Variants in AMMECR1 observed in about 807,000 individuals in gnomAD.
The protein encoded by AMMECR1 is nuclear protein AMMECR1.
In AMMECR1, 3 loss-of-function variants were observed where a neutral mutation model predicts 22.5. That is an observed-to-expected ratio of 0.13 (90% CI 0.06 to 0.35). The LOEUF (loss-of-function observed/expected upper bound fraction) is 0.35, where lower values mean the gene tolerates loss of function less well. Among genes scored for constraint, AMMECR1 ranks in the 10% least tolerant of loss-of-function variants. The pLI is 1.00. For missense variants in AMMECR1, 235 were observed against 278.7 expected, an observed-to-expected ratio of 0.84 and a Z score of 1.12; for synonymous variants, 130 against 116.7, an observed-to-expected ratio of 1.11 and a Z score of -0.74.
intron 2 of AMMECR1, among the ~76,000 whole-genome samples, chrX:110,326,682 A>G (rs990771103): frequency 8.9e-5 from 10 of 112,004 alleles, no homozygotes; most frequent in Middle Eastern, 9.1e-3. Context: ...GCAGGAGTGG[A>G]TCATTCGTAG....
chrX:110,301,256 T>C (rs1442686134), intron 1 of AMMECR1, among the ~76,000 whole-genome samples: 1 of 112,654 alleles, frequency 8.9e-6, no homozygotes, highest in Non-Finnish European at 1.9e-5. Flanking sequence ...ACATATTTTC[T>C]AAAATGTTTT....
intron 1 of AMMECR1, among the ~76,000 whole-genome samples, chrX:110,306,516 T>C (rs886754169): frequency 4.5e-5 from 5 of 110,333 alleles, no homozygotes; most frequent in Admixed American, 2.9e-4. Flanking sequence ...TGGAGTGCAA[T>C]GGCGTGATCT....
chrX:110,267,508 G>A (rs2067776489), intron 1 of AMMECR1, among the ~76,000 whole-genome samples: 1 of 111,361 alleles, frequency 9.0e-6, no homozygotes. Context: ...GCTATCCAAA[G>A]TATCTCTATG....
intron 1 of AMMECR1, among the ~76,000 whole-genome samples, chrX:110,302,917 G>A (rs1037831176): frequency 9.0e-6 from 1 of 110,875 alleles, no homozygotes; most frequent in Admixed American, 9.6e-5. Flanking sequence ...AAAAAAGAGA[G>A]AGAGAGATTG....
chrX:110,438,830 G>A (rs1291974811), intron 1 of AMMECR1, among the ~76,000 whole-genome samples: 1 of 112,023 alleles, frequency 8.9e-6, no homozygotes, highest in Non-Finnish European at 1.9e-5. Context: ...CTTATCCTTT[G>A]CCTTTGCTAA....
chrX:110,219,265 G>A (rs1372014757), intron 2 of AMMECR1: 5 of 522,258 alleles, frequency 9.6e-6, no homozygotes, highest in East Asian at 1.8e-4. Context: ...CAGCAGCAAT[G>A]TATGAGTTCC....
At chrX:110,390,574 T>C (rs1182734612) in intron 2 of AMMECR1, among the ~76,000 whole-genome samples, 1 of 111,308 alleles carries the variant, frequency 9.0e-6, no homozygotes, top group Non-Finnish European at 1.9e-5. Flanking sequence ...TCTCCACTAC[T>C]GTAGATCCAA....
At position 110,409,736 on chromosome X, in the gene AMMECR1, G is replaced by A. The variant is rs557238611; in HGVS notation, c.-148+16922C>T. 8.2e-5 allele frequency among the ~76,000 whole-genome samples: 9 copies of A among 110,015 alleles called. No individual in the cohort carries two copies. In the South Asian group the frequency reaches 2.0e-3, roughly 24 times the overall value. ...CCTCAAAGGTAACTGCTAAATATCT[G>A]ACAAAGGAATGGCTAAAGCCTTCAG... is the stretch of plus-strand genomic sequence containing the variant. On this transcript the variant is annotated intron_variant, in intron 2 of 7. Coordinates refer to the AMMECR1 transcript ENST00000372057.
chrX:110,295,321 G>A (rs996553200), intron 1 of AMMECR1, among the ~76,000 whole-genome samples: 23 of 111,253 alleles, frequency 2.1e-4, no homozygotes, highest in African/African-American at 6.9e-4. Context: ...ACTTTGAGGA[G>A]AGTAGAGGGA....
chrX:110,413,615 G>A (rs1483917294), intron 2 of AMMECR1, among the ~76,000 whole-genome samples: 3 of 101,133 alleles, frequency 3.0e-5, no homozygotes, highest in Non-Finnish European at 5.9e-5. Flanking sequence ...TTGGACATCC[G>A]TGATCCATGT....
chrX:110,240,816 A>C (rs1446230164), intron 2 of AMMECR1, among the ~76,000 whole-genome samples: 2 of 112,021 alleles, frequency 1.8e-5, no homozygotes, highest in Non-Finnish European at 3.8e-5. Flanking sequence ...AATTGACCAC[A>C]TAATTGGAAG....
chrX:110,322,486 A>G (rs1471800439), upstream of AMMECR1, among the ~76,000 whole-genome samples: 1 of 112,061 alleles, frequency 8.9e-6, no homozygotes, highest in Non-Finnish European at 1.9e-5. Flanking sequence ...ATGAAACCCA[A>G]TTGGCCTCAC....
chrX:110,212,848 T>C (rs912199712), intron 3 of AMMECR1, among the ~76,000 whole-genome samples: 2 of 111,521 alleles, frequency 1.8e-5, no homozygotes, highest in Non-Finnish European at 3.8e-5. Context: ...TGTAACCAAA[T>C]ATTCAGATTT....
intron 2 of AMMECR1, among the ~76,000 whole-genome samples, chrX:110,261,573 T>C (rs180737780): frequency 1.8e-5 from 2 of 111,590 alleles, no homozygotes; most frequent in East Asian, 2.8e-4. Flanking sequence ...TACAGTAGTA[T>C]TGTTTTGTAA....
At chrX:110,340,055 C>T (rs1360043756) in intron 2 of AMMECR1, among the ~76,000 whole-genome samples, 1 of 106,603 alleles carries the variant, frequency 9.4e-6, no homozygotes, top group African/African-American at 3.5e-5. Context: ...CAGATGTGAG[C>T]CTACCAGAGA....
chrX:110,417,951 C>T (rs1032962463), intron 2 of AMMECR1, among the ~76,000 whole-genome samples: 1 of 112,645 alleles, frequency 8.9e-6, no homozygotes, highest in Non-Finnish European at 1.9e-5. Flanking sequence ...ACACAGGGTG[C>T]CATGTTCAGG....
intron 2 of AMMECR1, among the ~76,000 whole-genome samples, chrX:110,331,411 C>T (rs2068120250): frequency 9.2e-6 from 1 of 109,011 alleles, no homozygotes; most frequent in Admixed American, 1.0e-4. Context: ...TTATTATACA[C>T]AACCTTGGCC....
At chrX:110,220,933 T>C (rs1007226558) in intron 2 of AMMECR1, among the ~76,000 whole-genome samples, 6 of 112,320 alleles carry the variant, frequency 5.3e-5, no homozygotes, top group Admixed American at 4.7e-4. Context: ...AGGCAAAACC[T>C]TAGATATTAC....
intron 2 of AMMECR1, among the ~76,000 whole-genome samples, chrX:110,263,642 G>C (rs2067753153): frequency 9.0e-6 from 1 of 111,538 alleles, no homozygotes; most frequent in East Asian, 2.8e-4. Context: ...TTTACCTATG[G>C]AGGTTGAGAA....
Sources: gnomAD v4.1 joint callset for allele counts (sites outside exome capture counted in the v4.1 genomes callset) on GRCh38, gnomAD v4.1.1 for gene constraint, MANE v1.5 for transcripts, NCBI Gene and HGNC (gene_info 2026-07-23, HGNC 2026-07-21) for gene names.